Variants in BTBD10 observed in about 807,000 individuals in gnomAD.
The protein encoded by BTBD10 is BTB/POZ domain-containing protein 10.
In BTBD10, 21 loss-of-function variants were observed where a neutral mutation model predicts 53.2. The ratio of observed to expected loss-of-function variants is 0.39; its 90% CI spans 0.28 to 0.57. The LOEUF is 0.57. BTBD10 is among the 20% of genes least tolerant of loss of function. BTBD10 has a pLI of 0.53. For missense variants in BTBD10, 360 were observed against 594.7 expected, an observed-to-expected ratio of 0.61 and a Z score of 4.10; for synonymous variants, 149 against 192.7, an observed-to-expected ratio of 0.77 and a Z score of 1.88.
chr11:13,409,259 A>C (rs924712180), intron 6 of BTBD10, among the ~76,000 whole-genome samples: 4 of 152,196 alleles, frequency 2.6e-5, no homozygotes, highest in African/African-American at 7.2e-5. Context: ...ATTTCCAATG[A>C]AAGTTTCTCT....
intron 2 of BTBD10, chr11:13,439,978 C>A (rs1443231634): frequency 1.3e-6 from 2 of 1,534,788 alleles, no homozygotes; most frequent in Non-Finnish European, 1.7e-6. Flanking sequence ...AACAATGAAG[C>A]ACTGAAAGCC....
At position 13,416,127 on chromosome 11, in the gene BTBD10, G is replaced by C. The variant is rs111877490; in HGVS notation, c.687+1031C>G. On this transcript the variant is annotated intron_variant, in intron 5 of 8. Coordinates refer to ENST00000278174, the MANE Select transcript of BTBD10 (RefSeq NM_032320.7). ...AGCACTTTGGGAGGCCAAGGCAGGA[G>C]GACTGCTTGAGCTCAGGAGTTCAAG... 5.9e-5 allele frequency among the ~76,000 whole-genome samples: 9 copies of C among 152,040 alleles called. 3 individuals carry two copies. The highest frequency in any genetic ancestry group is 2.2e-4 in the African/African-American group (9 of 41,502).
intron 7 of BTBD10, chr11:13,404,671 C>T (rs1949780117): frequency 1.1e-6 from 1 of 900,438 alleles, no homozygotes; most frequent in African/African-American, 1.8e-5. Flanking sequence ...GAAATAGCAA[C>T]AGAAATGTCT....
chr11:13,438,034 AG>A (rs1950574934), intron 2 of BTBD10, among the ~76,000 whole-genome samples: 1 of 152,090 alleles, frequency 6.6e-6, no homozygotes, highest in Non-Finnish European at 1.5e-5. Context: ...TATTTCTGTT[AG>A]AGGTGGTAGT....
intron 1 of BTBD10, among the ~76,000 whole-genome samples, chr11:13,457,933 A>G (rs1005773790): frequency 6.6e-6 from 1 of 152,154 alleles, no homozygotes; most frequent in African/African-American, 2.4e-5. Flanking sequence ...TTACAGTCAG[A>G]AAGAAATTAC....
chr11:13,409,434 G>C (rs1949894963), intron 6 of BTBD10, among the ~76,000 whole-genome samples: 1 of 152,114 alleles, frequency 6.6e-6, no homozygotes, highest in Non-Finnish European at 1.5e-5. Flanking sequence ...CCAAAACTTA[G>C]AACAGTGCTT....
rs541927421 is a variant in BTBD10 at position 13,428,201 on chromosome 11, A to C, written c.102-6363T>G. ...TAAACAACTTTAAGCCAATAAATTC[A>C]ACAACTCAGAATGGACAAATTTAAA... is the stretch of plus-strand genomic sequence containing the variant. On this transcript the variant is annotated intron_variant, in intron 2 of 8. Transcript: ENST00000278174. Among the ~76,000 whole-genome samples, 5 of 152,282 alleles carry C rather than the reference A, an allele frequency of 3.3e-5. No individual in the cohort carries two copies. In the East Asian group the frequency reaches 9.6e-4, roughly 29 times the overall value.
intron 8 of BTBD10, among the ~76,000 whole-genome samples, chr11:13,390,301 G>A (rs566988080): frequency 2.0e-5 from 3 of 152,156 alleles, no homozygotes; most frequent in African/African-American, 7.2e-5. Context: ...CCACTGTAAA[G>A]TGAAATCAGC....
intron 2 of BTBD10, among the ~76,000 whole-genome samples, chr11:13,427,690 A>G (rs1285437508): frequency 1.3e-5 from 2 of 152,194 alleles, no homozygotes; most frequent in Non-Finnish European, 2.9e-5. Flanking sequence ...ATGTGCACAC[A>G]GAAGAACATT....
intron 1 of BTBD10, chr11:13,459,633 A>G (rs925556268): frequency 2.6e-5 from 4 of 152,116 alleles, no homozygotes; most frequent in Non-Finnish European, 5.9e-5. Flanking sequence ...ACGTGCAAAA[A>G]CCCTTATTAC....
intron 6 of BTBD10, among the ~76,000 whole-genome samples, chr11:13,407,214 T>C (rs1949850648): frequency 6.6e-6 from 1 of 152,216 alleles, no homozygotes; most frequent in Non-Finnish European, 1.5e-5. Context: ...CTCCTCCAGC[T>C]GTTCATTAAA....
chr11:13,455,801 T>G (rs994802697), intron 1 of BTBD10, among the ~76,000 whole-genome samples: 3 of 152,222 alleles, frequency 2.0e-5, no homozygotes, highest in Non-Finnish European at 4.4e-5. Context: ...ACAATATTTT[T>G]TCCTTCCATG....
chr11:13,407,272 A>G (rs1014079993), intron 6 of BTBD10, among the ~76,000 whole-genome samples: 1 of 152,150 alleles, frequency 6.6e-6, no homozygotes, highest in Admixed American at 6.5e-5. Flanking sequence ...TCTTTATCCT[A>G]TGCTGAGAAT....
At chr11:13,434,366 G>A (rs1008645185) in intron 2 of BTBD10, among the ~76,000 whole-genome samples, 1 of 152,186 alleles carries the variant, frequency 6.6e-6, no homozygotes, top group African/African-American at 2.4e-5. Context: ...TGAGGGGGAA[G>A]TGTCTAAACA....
intron 8 of BTBD10, among the ~76,000 whole-genome samples, chr11:13,399,965 G>T (rs1273827465): frequency 1.3e-5 from 2 of 152,202 alleles, no homozygotes; most frequent in African/African-American, 4.8e-5. Context: ...CTACTGGGGG[G>T]TGCCTCCCAG....
intron 2 of BTBD10, chr11:13,440,118 A>G: frequency 5.3e-6 from 8 of 1,514,284 alleles, no homozygotes; most frequent in Non-Finnish European, 7.1e-6. Flanking sequence ...GACTTCCTTT[A>G]GCTTCCTCCC....
intron 1 of BTBD10, among the ~76,000 whole-genome samples, chr11:13,460,866 T>C (rs1459145433): frequency 3.3e-5 from 5 of 152,222 alleles, no homozygotes; most frequent in Non-Finnish European, 7.3e-5. Context: ...ATTTTATATA[T>C]TAGCTGCAAA....
chr11:13,389,589 G>A (rs1274752868), intron 8 of BTBD10, among the ~76,000 whole-genome samples: 3 of 152,038 alleles, frequency 2.0e-5, no homozygotes, highest in African/African-American at 7.2e-5. Context: ...CACCATGCCC[G>A]GCTAATTTTT....
chr11:13,408,593 C>A (rs75634825), intron 6 of BTBD10, among the ~76,000 whole-genome samples: 1 of 152,142 alleles, frequency 6.6e-6, no homozygotes, highest in African/African-American at 2.4e-5. Flanking sequence ...TCAAACTTAA[C>A]GTGTTCAAAA....
Sources: allele counts gnomAD v4.1 joint callset (sites outside exome capture counted in the v4.1 genomes callset), GRCh38; gene constraint gnomAD v4.1.1; transcripts MANE v1.5; gene names NCBI Gene and HGNC (gene_info 2026-07-23, HGNC 2026-07-21).